The following IARS2 variants were observed in gnomAD, a reference collection of about 807,000 sequenced individuals.
IARS2 encodes the protein isoleucyl-tRNA synthetase 2, mitochondrial.
Under a neutral mutation model 126.3 loss-of-function variants are expected in IARS2, and 56 were observed. The observed-to-expected ratio is 0.44, with a 90% CI of 0.36 to 0.55. The LOEUF (loss-of-function observed/expected upper bound fraction) is 0.55. IARS2 is among the 20% of genes least tolerant of loss of function. The pLI is 0.00. For synonymous variants in IARS2, 407 were observed against 441.1 expected (o/e 0.92, Z 0.97); for missense variants, 1,127 against 1,245.9 (o/e 0.90, Z 1.44).
chr1:220,113,637 A>ATATAGAGAGAGAGAGATTTATTT lies in IARS2; in HGVS notation c.1480-675_1480-674insTAGAGAGAGAGAGATTTATTTTA, dbSNP rs1553268849. On this transcript the variant is annotated intron_variant, in intron 11 of 22. Transcript: ENST00000366922. Reference sequence around the variant, plus strand: ...GCCATTTGTCGATAGATATATATATATAGAGAGAGAGAGAGATTTATTTTA... The same window carrying ATATAGAGAGAGAGAGATTTATTT: ...GCCATTTGTCGATAGATATATATATATATAGAGAGAGAGAGATTTATTTTAGAGAGAGAGAGAGATTTATTTTA... Among the ~76,000 whole-genome samples, 677 of 151,854 alleles carry ATATAGAGAGAGAGAGATTTATTT rather than the reference A, an allele frequency of 4.5e-3. 4 individuals carry two copies. The highest frequency in any genetic ancestry group is 0.014 in the African/African-American group (594 of 41,270).
chr1:220,119,126 T>A (rs979167648), intron 12 of IARS2, among the ~76,000 whole-genome samples: 1 of 152,178 alleles, frequency 6.6e-6, no homozygotes. Flanking sequence ...TGCTGCTTAA[T>A]GTCCATAACA....
At chr1:220,136,961 T>C (rs1223690265) in intron 16 of IARS2, 50 bp downstream of exon 16, 1 of 1,165,586 alleles carries the variant, frequency 8.6e-7, no homozygotes, top group South Asian at 1.3e-5. Flanking sequence ...GGATCTTAAA[T>C]TGGCAGCCAA....
At chr1:220,094,589 G>T (rs1656397707) in intron 1 of IARS2, 106 bp downstream of exon 1, 1 of 968,610 alleles carries the variant, frequency 1.0e-6, no homozygotes, top group Non-Finnish European at 1.5e-6. Context: ...GGTGCGGGTG[G>T]GCGGGGGTGT....
chr1:220,130,308 A>G (rs1291763174), intron 14 of IARS2, among the ~76,000 whole-genome samples: 1 of 152,132 alleles, frequency 6.6e-6, no homozygotes, highest in Non-Finnish European at 1.5e-5. Flanking sequence ...ATTTTCTTCC[A>G]TTCCACAGGT....
At chr1:220,112,124 C>CTT (rs1279509771) in intron 11 of IARS2, among the ~76,000 whole-genome samples, 39 of 114,734 alleles carry the variant, frequency 3.4e-4, no homozygotes, top group Non-Finnish European at 4.6e-4. Flanking sequence ...CGACCACCTA[C>CTT]TTTTTTTTTT....
chr1:220,106,966 C>CTA lies in IARS2; in HGVS notation c.1237-92_1237-91dup, dbSNP rs1421178695. 2.0e-5 allele frequency: 17 copies of CTA among 865,344 alleles called. No individual in the cohort carries two copies. The East Asian group carries it at 4.2e-4, about 22-fold the overall frequency. The allele number at this position is 865,344 out of a possible 1,614,324, so 53.6% of individuals were successfully genotyped here. On this transcript the variant is annotated intron_variant, in intron 9 of 22. Coordinates refer to ENST00000366922, the MANE Select transcript of IARS2 (RefSeq NM_018060.4). ...AATTTCAATGTAGAAAAAGACCAGGCTATACTGAGATGTTTTTATATATAT... is the reference window on the plus strand; with the variant it reads ...AATTTCAATGTAGAAAAAGACCAGGCTATATACTGAGATGTTTTTATATATAT...
chr1:220,113,626 G>T (rs919543290), intron 11 of IARS2, among the ~76,000 whole-genome samples: 24 of 148,076 alleles, frequency 1.6e-4, no homozygotes, highest in Non-Finnish European at 2.9e-4. Context: ...TTTGTCGATA[G>T]ATATATATAT....
chr1:220,109,193 G>A (rs1387035607), intron 10 of IARS2, among the ~76,000 whole-genome samples: 1 of 152,104 alleles, frequency 6.6e-6, no homozygotes, highest in East Asian at 1.9e-4. Flanking sequence ...GAGGTCAGGA[G>A]TTCGAGACCT....
Position 220,100,516 on chromosome 1 carries a change from C to T in IARS2, c.417C>T (p.Phe139=). ...NKILKDIANR[F]HMMNGSKIHF... Reference sequence around the variant, plus strand: ...TTTTGAAAGACATAGCCAATCGATTCCATATGATGAATGGCTCCAAAATAC... The same window carrying T: ...TTTTGAAAGACATAGCCAATCGATTTCATATGATGAATGGCTCCAAAATAC... The change falls in exon 3 of 23, where the codon TTC becomes TTT. Residue 139 remains phenylalanine (F), a synonymous_variant. Coordinates refer to ENST00000366922, the MANE Select transcript of IARS2 (RefSeq NM_018060.4). The T allele has an allele frequency of 5.0e-6, 8 of 1,611,406 alleles. No individual in the cohort carries two copies. The highest frequency in any genetic ancestry group is 6.8e-6 in the Non-Finnish European group (8 of 1,178,802).
intron 14 of IARS2, among the ~76,000 whole-genome samples, chr1:220,128,822 C>T (rs1657203598): frequency 6.6e-6 from 1 of 151,832 alleles, no homozygotes; most frequent in Admixed American, 6.6e-5. Context: ...TTATATTTGG[C>T]GCTGTCAAGT....
At position 220,116,515 on chromosome 1, in the gene IARS2, C is replaced by A. The variant is rs536452111; in HGVS notation, c.1640+2041C>A. 7.9e-5 allele frequency among the ~76,000 whole-genome samples: 12 copies of A among 151,938 alleles called. 1 individual carries two copies. The South Asian group carries it at 2.5e-3, about 32-fold the overall frequency. Reference sequence around the variant, plus strand: ...AAATTATGCTATTAAGAAGTTTAAACTTTTAAGTAGACTTGAGGAGTAAGA... The same window carrying A: ...AAATTATGCTATTAAGAAGTTTAAAATTTTAAGTAGACTTGAGGAGTAAGA... On this transcript the variant is annotated intron_variant, in intron 12 of 22. Transcript: ENST00000366922.
At chr1:220,125,980 G>A (rs990621246) in intron 13 of IARS2, among the ~76,000 whole-genome samples, 8 of 151,804 alleles carry the variant, frequency 5.3e-5, no homozygotes, top group Non-Finnish European at 7.4e-5. Context: ...GATGGTGGGC[G>A]CCTGTAGTCC....
chr1:220,101,797 C>T (rs1365303102), intron 3 of IARS2, among the ~76,000 whole-genome samples: 4 of 152,108 alleles, frequency 2.6e-5, no homozygotes. Context: ...TCAGGAGATC[C>T]AGACCATCCT....
chr1:220,094,275 G>A lies in IARS2; in HGVS notation c.59G>A (p.Ser20Asn). ...PGAAALATARSLWGTPRLPCS... is the reference protein window; with the variant it reads ...PGAAALATARNLWGTPRLPCS... ...GCGGCCGCCCTGGCCACTGCCCGAA[G>A]TTTGTGGGGGACGCCCCGCCTTCCC... The change falls in exon 1 of 23, where the codon AGT (serine) becomes AAT (asparagine). Residue 20 changes from serine to asparagine, a missense_variant. Transcript: ENST00000366922. The A allele has an allele frequency of 6.2e-7, 1 of 1,610,150 alleles. No homozygotes were observed. The highest frequency in any genetic ancestry group is 1.1e-5 in the South Asian group (1 of 90,768).
chr1:220,096,227 G>A lies in IARS2; in HGVS notation c.390+1G>A, dbSNP rs770194409. 7 of 1,562,554 alleles carry A rather than the reference G, an allele frequency of 4.5e-6. No individual in the cohort carries two copies. The South Asian group carries it at 8.7e-5, about 19-fold the overall frequency. ...TCATGTTGGACATGCTTTAAATAAG[G>A]TAACTATAATTTAGGTTATGACACT... On this transcript the variant is annotated splice_donor_variant, in intron 2 of 22. Coordinates refer to ENST00000366922, the MANE Select transcript of IARS2 (RefSeq NM_018060.4). LOFTEE classifies it high-confidence loss of function.
At chr1:220,115,632 A>G (rs760089479) in intron 12 of IARS2, among the ~76,000 whole-genome samples, 3 of 152,088 alleles carry the variant, frequency 2.0e-5, no homozygotes, top group South Asian at 2.1e-4. Context: ...TACAGCCACT[A>G]TCATAATTGT....
At position 220,125,040 on chromosome 1, in the gene IARS2, G is replaced by A. The variant is rs544462850; in HGVS notation, c.1641-197G>A. Among the ~76,000 whole-genome samples the A allele has an allele frequency of 1.4e-4, 21 of 152,158 alleles. No homozygotes were observed. The East Asian group carries it at 1.7e-3, about 13-fold the overall frequency. ...AGTAAGAAATAGGTAAATCAGTAAC[G>A]GAAACAGATGTTTTTTCTTTTTAAG... On this transcript the variant is annotated intron_variant, in intron 12 of 22. Transcript: ENST00000366922.
intron 8 of IARS2, among the ~76,000 whole-genome samples, chr1:220,103,838 A>G (rs575084493): frequency 5.2e-4 from 79 of 152,360 alleles, no homozygotes; most frequent in African/African-American, 1.9e-3. Flanking sequence ...AATTTTTAAA[A>G]TTGTTTTTAT....
chr1:220,111,598 A>ATATGTGTGTGTG (rs374024744), intron 11 of IARS2, among the ~76,000 whole-genome samples: 77 of 134,858 alleles, frequency 5.7e-4, no homozygotes, highest in East Asian at 5.3e-3. Context: ...ATATATATAT[A>ATATGTGTGTGTG]TGTGTGTGTG....
Sources: allele counts gnomAD v4.1 joint callset (sites outside exome capture counted in the v4.1 genomes callset), GRCh38; gene constraint gnomAD v4.1.1; transcripts MANE v1.5; gene names NCBI Gene and HGNC (gene_info 2026-07-23, HGNC 2026-07-21).